IL1RAPL2: variants seen among roughly 807,000 people sequenced by gnomAD.
The protein encoded by IL1RAPL2 is X-linked interleukin-1 receptor accessory protein-like 2.
A neutral mutation model predicts 44.1 loss-of-function variants in IL1RAPL2; 3 were observed. That is an observed-to-expected ratio of 0.07 (90% confidence interval 0.03 to 0.18). The LOEUF (loss-of-function observed/expected upper bound fraction) is 0.18. IL1RAPL2 is among the 10% of genes least tolerant of loss of function. The pLI is 1.00. For synonymous variants in IL1RAPL2, 181 were observed against 178.8 expected, an observed-to-expected ratio of 1.01 and a Z score of -0.10; for missense variants, 391 against 496.4, an observed-to-expected ratio of 0.79 and a Z score of 2.02.
intron 2 of IL1RAPL2, among the ~76,000 whole-genome samples, chrX:104,963,908 A>T (rs960063166): frequency 1.0e-5 from 1 of 97,982 alleles, no homozygotes; most frequent in Non-Finnish European, 2.0e-5. Flanking sequence ...TAACTTAATA[A>T]TAGGATGTGC....
At chrX:105,613,692 G>C (rs978541688) in intron 6 of IL1RAPL2, among the ~76,000 whole-genome samples, 1 of 111,861 alleles carries the variant, frequency 8.9e-6, no homozygotes, top group African/African-American at 3.2e-5. Context: ...ATTGGCAGTA[G>C]CCTCGTAGTA....
intron 5 of IL1RAPL2, among the ~76,000 whole-genome samples, chrX:105,451,125 A>C (rs1665765723): frequency 9.0e-6 from 1 of 110,933 alleles, no homozygotes; most frequent in African/African-American, 3.3e-5. Flanking sequence ...AAACTCTGAT[A>C]TTTTCTATGG....
intron 3 of IL1RAPL2, chrX:105,219,102 G>A (rs781857141): frequency 3.0e-5 from 36 of 1,208,951 alleles, no homozygotes; most frequent in African/African-American, 1.1e-4. Flanking sequence ...GATGAGGTTC[G>A]GAGTATCTCC....
rs1204672322 is a variant in IL1RAPL2, at chrX:105,083,321, A to G, written c.83-112154A>G. Among the ~76,000 whole-genome samples the G allele has an allele frequency of 7.2e-5, 8 of 111,858 alleles. No homozygotes were observed. In the East Asian group the frequency reaches 2.3e-3, roughly 32 times the overall value. The stretch of plus-strand genomic sequence containing the variant: ...GATTATGTGAAAAGACCAAATCTAC[A>G]TTTGATTGGTGTGCCTGAAAGTGAC... On this transcript the variant is annotated intron_variant, in intron 2 of 10. Transcript: ENST00000372582.
chrX:105,440,009 A>C (rs2035909639), intron 5 of IL1RAPL2, among the ~76,000 whole-genome samples: 1 of 112,089 alleles, frequency 8.9e-6, no homozygotes, highest in Non-Finnish European at 1.9e-5. Flanking sequence ...AGACTCAGAC[A>C]GAAATGGTCA....
chrX:105,017,878 T>C (rs998786770), intron 2 of IL1RAPL2, among the ~76,000 whole-genome samples: 1 of 111,861 alleles, frequency 8.9e-6, no homozygotes, highest in Non-Finnish European at 1.9e-5. Flanking sequence ...AGCAAAAACA[T>C]TGCTGACACC....
In IL1RAPL2 at chrX:105,189,727, G is replaced by T. The variant is rs782599947; in HGVS notation, c.83-5748G>T. On this transcript the variant is annotated intron_variant, in intron 2 of 10. Coordinates refer to ENST00000372582, the MANE Select transcript of IL1RAPL2 (RefSeq NM_017416.2). ...TGTATAATTCATAGATAAATAATTAGCATACATTACCTTACGGCTATTCTT... is the reference window on the plus strand; with the variant it reads ...TGTATAATTCATAGATAAATAATTATCATACATTACCTTACGGCTATTCTT... 3.6e-5 allele frequency among the ~76,000 whole-genome samples: 4 copies of T among 111,539 alleles called. No individual in the cohort carries two copies. The South Asian group carries it at 1.5e-3, about 42-fold the overall frequency.
intron 2 of IL1RAPL2, among the ~76,000 whole-genome samples, chrX:105,063,752 G>A (rs2032102916): frequency 8.9e-6 from 1 of 111,998 alleles, no homozygotes; most frequent in Non-Finnish European, 1.9e-5. Flanking sequence ...CCTGCATTAG[G>A]TGGCACCCCA....
chrX:104,686,018 G>A (rs1156561201), intron 2 of IL1RAPL2, among the ~76,000 whole-genome samples: 1 of 110,824 alleles, frequency 9.0e-6, no homozygotes, highest in Non-Finnish European at 1.9e-5. Context: ...ATGACATAAT[G>A]CTCAATAGAT....
At chrX:104,582,822 C>CTTTTTCTTTCTTTCTTTCTT (rs748809592) in intron 1 of IL1RAPL2, among the ~76,000 whole-genome samples, 466 of 40,646 alleles carry the variant, frequency 0.011, 27 homozygotes, top group African/African-American at 0.048. Context: ...TCCTTTCTTT[C>CTTTTTCTTTCTTTCTTTCTT]TCTTTCTTTC....
At chrX:104,647,258 G>T in intron 1 of IL1RAPL2, 1 of 388,176 alleles carries the variant, frequency 2.6e-6, no homozygotes. Context: ...GAGCTGGTAT[G>T]TGATGTCCTC....
chrX:105,131,742 A>T (rs773224135), intron 2 of IL1RAPL2, among the ~76,000 whole-genome samples: 45 of 111,567 alleles, frequency 4.0e-4, no homozygotes, highest in African/African-American at 1.3e-3. Context: ...GTGGCATTGC[A>T]TGAATTTTGT....
chrX:104,627,395 A>G (rs1330466865), intron 1 of IL1RAPL2, among the ~76,000 whole-genome samples: 1 of 107,369 alleles, frequency 9.3e-6, no homozygotes, highest in Non-Finnish European at 1.9e-5. Flanking sequence ...TGACGAGTTA[A>G]TGGGTGCAGC....
intron 5 of IL1RAPL2, among the ~76,000 whole-genome samples, chrX:105,474,168 G>C (rs775531047): frequency 9.0e-6 from 1 of 111,550 alleles, no homozygotes; most frequent in Non-Finnish European, 1.9e-5. Context: ...AGAAAAGAAA[G>C]AATAATATAA....
chrX:104,585,280 TTATATA>T (rs1341554499), intron 1 of IL1RAPL2, among the ~76,000 whole-genome samples: 2 of 18,236 alleles, frequency 1.1e-4, no homozygotes, highest in African/African-American at 1.0e-3. Flanking sequence ...ATTATATATA[TTATATA>T]ATATATTATA....
chrX:105,686,380 CAAAAAAAAAAA>C (rs1177667576), intron 6 of IL1RAPL2, among the ~76,000 whole-genome samples: 3 of 25,170 alleles, frequency 1.2e-4, no homozygotes, highest in African/African-American at 1.8e-4. Context: ...AAATGGAAAG[CAAAAAAAAAAA>C]AAAAAAAAAA....
intron 2 of IL1RAPL2, among the ~76,000 whole-genome samples, chrX:104,743,296 C>T (rs1231290739): frequency 9.8e-6 from 1 of 102,555 alleles, no homozygotes; most frequent in Non-Finnish European, 2.0e-5. Flanking sequence ...CTTTTTTCTG[C>T]CTTTTTGATT....
At position 105,222,942 on chromosome X, in the gene IL1RAPL2, T is replaced by A. The variant is rs183690886; in HGVS notation, c.357-10876T>A. On this transcript the variant is annotated intron_variant, in intron 3 of 10. Coordinates refer to ENST00000372582, the MANE Select transcript of IL1RAPL2 (RefSeq NM_017416.2). ...TGGTGGGTGGATCACCTGAGGTCAG[T>A]AGATGGAGACCAGCCTAGCAAACAT... Among the ~76,000 whole-genome samples, 159 of 111,209 alleles carry A rather than the reference T, an allele frequency of 1.4e-3. 1 individual carries two copies. Among genetic ancestry groups the A allele is most frequent in the African/African-American group, 5.0e-3 (154 of 30,599 alleles).
chrX:105,280,139 T>C (rs950199244), intron 5 of IL1RAPL2, among the ~76,000 whole-genome samples: 2 of 111,625 alleles, frequency 1.8e-5, no homozygotes, highest in Admixed American at 9.5e-5. Context: ...TCTACAATCA[T>C]CTGATCATTG....
Sources: allele counts gnomAD v4.1 joint callset (sites outside exome capture counted in the v4.1 genomes callset), GRCh38; gene constraint gnomAD v4.1.1; transcripts MANE v1.5; gene names NCBI Gene and HGNC (gene_info 2026-07-23, HGNC 2026-07-21).